Variants in CTTNBP2 observed in about 807,000 individuals in gnomAD.
CTTNBP2 encodes cortactin-binding protein 2.
A neutral mutation model predicts 156.9 loss-of-function variants in CTTNBP2; 108 were observed. That is an observed-to-expected ratio of 0.69 (90% CI 0.59 to 0.81). The LOEUF (loss-of-function observed/expected upper bound fraction) is 0.81. Among genes scored for constraint, CTTNBP2 ranks in the 30% least tolerant of loss-of-function variants. The pLI is 0.00. For synonymous variants in CTTNBP2, 767 were observed against 751.8 expected (o/e 1.02, Z -0.33); for missense variants, 1,924 against 2,035.4 (o/e 0.95, Z 1.05).
Position 117,711,761 on chromosome 7 carries a change from G to C in CTTNBP2, c.4768C>G (p.His1590Asp), listed in dbSNP as rs769271082. 9.7e-5 allele frequency: 157 copies of C among 1,613,244 alleles called. No homozygotes were observed. Among genetic ancestry groups the C allele is most frequent in the Non-Finnish European group, 1.2e-4 (145 of 1,179,520 alleles). ...SQKEVSPLSS[H>D]QTTECSNSKS... Reference sequence around the variant, plus strand: ...CTGTTGCTGCATTCAGTAGTTTGATGGCTGCTGAGAGGACTGACCTCCTGT... The same window carrying C: ...CTGTTGCTGCATTCAGTAGTTTGATCGCTGCTGAGAGGACTGACCTCCTGT... The change falls in exon 23 of 23, where the codon CAT (histidine) becomes GAT (aspartate). Residue 1590 changes from histidine to aspartate, a missense_variant. Coordinates refer to ENST00000160373, the MANE Select transcript of CTTNBP2 (RefSeq NM_033427.3).
chr7:117,842,895 T>G (rs935898493), intron 2 of CTTNBP2, among the ~76,000 whole-genome samples: 1 of 152,186 alleles, frequency 6.6e-6, no homozygotes, highest in African/African-American at 2.4e-5. Flanking sequence ...GTGAACAGAA[T>G]AAAATTCCTG....
intron 2 of CTTNBP2, among the ~76,000 whole-genome samples, chr7:117,831,233 C>T (rs1801594180): frequency 6.6e-6 from 1 of 152,196 alleles, no homozygotes; most frequent in African/African-American, 2.4e-5. Context: ...CAACAGCCTT[C>T]ATTAGAACTC....
intron 1 of CTTNBP2, among the ~76,000 whole-genome samples, chr7:117,861,848 G>A (rs868266001): frequency 1.7e-4 from 26 of 151,982 alleles, no homozygotes; most frequent in African/African-American, 4.6e-4. Flanking sequence ...TGGGTTTGTC[G>A]TTGTTGTTGT....
rs1353627467 is a variant in CTTNBP2 at position 117,727,483 on chromosome 7, A to G, written c.4055+606T>C. On this transcript the variant is annotated intron_variant, in intron 17 of 22. Transcript: ENST00000160373. ...GATGGGATTATAGGCATGAACCACTACATCCAGCTAAGAAGATATTATTTC... is the reference window on the plus strand; with the variant it reads ...GATGGGATTATAGGCATGAACCACTGCATCCAGCTAAGAAGATATTATTTC... Among the ~76,000 whole-genome samples, 5 of 152,136 alleles carry G rather than the reference A, an allele frequency of 3.3e-5. 1 individual carries two copies. In the South Asian group the frequency reaches 6.2e-4, roughly 19 times the overall value.
At chr7:117,858,127 T>G (rs967647010) in intron 2 of CTTNBP2, among the ~76,000 whole-genome samples, 4 of 152,166 alleles carry the variant, frequency 2.6e-5, no homozygotes, top group African/African-American at 9.7e-5. Context: ...TCCCAGCACT[T>G]TGGAAGGCCA....
intron 2 of CTTNBP2, among the ~76,000 whole-genome samples, chr7:117,842,527 GA>G (rs1370044689): frequency 6.6e-6 from 1 of 151,364 alleles, no homozygotes; most frequent in Non-Finnish European, 1.5e-5. Context: ...TAAAAAAAAA[GA>G]AAAAAAGAAC....
chr7:117,812,168 A>C (rs10248793), intron 2 of CTTNBP2, among the ~76,000 whole-genome samples: 3 of 151,990 alleles, frequency 2.0e-5, no homozygotes, highest in Non-Finnish European at 2.9e-5. Flanking sequence ...GACCAAATGC[A>C]ATTTTCTATA....
intron 22 of CTTNBP2, among the ~76,000 whole-genome samples, chr7:117,714,458 A>T (rs1794232024): frequency 6.6e-6 from 1 of 152,220 alleles, no homozygotes. Context: ...TAGTTGCTAT[A>T]CAGAATCTGG....
intron 9 of CTTNBP2, among the ~76,000 whole-genome samples, chr7:117,766,534 T>A (rs371959991): frequency 6.6e-6 from 1 of 152,080 alleles, no homozygotes; most frequent in Non-Finnish European, 1.5e-5. Context: ...ATATAAGAGG[T>A]CATGATGTTT....
chr7:117,848,456 G>T (rs1345238868), intron 2 of CTTNBP2, among the ~76,000 whole-genome samples: 1 of 152,160 alleles, frequency 6.6e-6, no homozygotes. Context: ...CAGTTTTACA[G>T]TGATATTGTG....
Position 117,837,439 on chromosome 7 carries a change from C to T in CTTNBP2, c.189+23770G>A, listed in dbSNP as rs1802023892. Among the ~76,000 whole-genome samples the T allele has an allele frequency of 2.0e-5, 3 of 152,280 alleles. No individual in the cohort carries two copies. The South Asian group carries it at 6.2e-4, about 32-fold the overall frequency. On this transcript the variant is annotated intron_variant, in intron 2 of 22. Transcript: ENST00000160373. ...CTGCTACCTTCTCTGCTCTCTCTTCCTCCCTGTCATTTGCCCTAACCAGCC... is the reference window on the plus strand; with the variant it reads ...CTGCTACCTTCTCTGCTCTCTCTTCTTCCCTGTCATTTGCCCTAACCAGCC...
intron 3 of CTTNBP2, among the ~76,000 whole-genome samples, chr7:117,808,605 G>A (rs1437930727): frequency 6.6e-6 from 1 of 152,210 alleles, no homozygotes; most frequent in Non-Finnish European, 1.5e-5. Context: ...AGATATGACC[G>A]ATGTCAGATA....
chr7:117,844,518 C>T (rs549129694), intron 2 of CTTNBP2, among the ~76,000 whole-genome samples: 56 of 152,160 alleles, frequency 3.7e-4, no homozygotes, highest in South Asian at 6.2e-4. Context: ...TTGGTTAGAA[C>T]GGTGTTGGCA....
At chr7:117,828,710 T>C (rs1225670667) in intron 2 of CTTNBP2, among the ~76,000 whole-genome samples, 2 of 152,244 alleles carry the variant, frequency 1.3e-5, no homozygotes, top group Non-Finnish European at 2.9e-5. Flanking sequence ...CTGCTATTTA[T>C]ATTACATCAT....
intron 8 of CTTNBP2, among the ~76,000 whole-genome samples, chr7:117,776,744 G>A (rs1196412397): frequency 6.6e-6 from 1 of 152,062 alleles, no homozygotes; most frequent in Non-Finnish European, 1.5e-5. Context: ...CGTAATTGCT[G>A]CATTTCTGTA....
intron 3 of CTTNBP2, among the ~76,000 whole-genome samples, chr7:117,798,934 AT>A (rs1441127229): frequency 2.6e-5 from 4 of 152,096 alleles, no homozygotes; most frequent in African/African-American, 9.6e-5. Context: ...AATAAGTTCA[AT>A]AAATTAAAAA....
chr7:117,732,903 T>C (rs1795482919), intron 16 of CTTNBP2, among the ~76,000 whole-genome samples: 1 of 152,206 alleles, frequency 6.6e-6, no homozygotes, highest in African/African-American at 2.4e-5. Context: ...GTTACAATTT[T>C]CCTTCTCTTC....
At chr7:117,822,980 T>C (rs1801057796) in intron 2 of CTTNBP2, among the ~76,000 whole-genome samples, 1 of 152,244 alleles carries the variant, frequency 6.6e-6, no homozygotes, top group South Asian at 2.1e-4. Flanking sequence ...TAATTGTCAA[T>C]GTTTGCTTCA....
At chr7:117,817,343 A>AT (rs59196351) in intron 2 of CTTNBP2, among the ~76,000 whole-genome samples, 7,201 of 45,964 alleles carry the variant, frequency 0.16, 1,313 homozygotes, top group East Asian at 0.3. Context: ...CAAAAAAAAA[A>AT]AAAAAAAAAA....
Sources: gnomAD v4.1 joint callset for allele counts (sites outside exome capture counted in the v4.1 genomes callset) on GRCh38, gnomAD v4.1.1 for gene constraint, MANE v1.5 for transcripts, NCBI Gene and HGNC (gene_info 2026-07-23, HGNC 2026-07-21) for gene names.